Variants in DMXL1 observed in about 807,000 individuals in gnomAD.
DMXL1 encodes the protein Dmx like 1.
Under a neutral mutation model 319.2 loss-of-function variants are expected in DMXL1, and 99 were observed. That is an observed-to-expected ratio of 0.31 (90% CI 0.26 to 0.37). DMXL1 has a LOEUF of 0.37. Ranked by LOEUF, DMXL1 falls within the 10% of genes least tolerant of loss-of-function variation. The pLI is 1.00. For missense variants in DMXL1, 3,745 were observed against 3,595.6 expected (o/e 1.04, Z -1.06); for synonymous variants, 1,385 against 1,235.2 (o/e 1.12, Z -2.54).
intron 38 of DMXL1, among the ~76,000 whole-genome samples, chr5:119,227,856 T>C (rs1459299850): frequency 6.6e-6 from 1 of 152,178 alleles, no homozygotes; most frequent in Admixed American, 6.5e-5. Flanking sequence ...TATATTGCCA[T>C]GAAAATAAGA....
chr5:119,144,297 T>C (rs1185379284), intron 14 of DMXL1, among the ~76,000 whole-genome samples: 1 of 151,804 alleles, frequency 6.6e-6, no homozygotes, highest in African/African-American at 2.4e-5. Flanking sequence ...ATAAAAAACA[T>C]TGGTGGATAT....
chr5:119,081,432 C>A, intron 1 of DMXL1: 1 of 319,232 alleles, frequency 3.1e-6, no homozygotes, highest in Non-Finnish European at 4.5e-6. Flanking sequence ...AAAATCTTTA[C>A]CTGAGTCAGA....
chr5:119,241,160 T>A (rs79966641), intron 42 of DMXL1, among the ~76,000 whole-genome samples: 19,808 of 152,194 alleles, frequency 0.13, 1,431 homozygotes, highest in Middle Eastern at 0.22. Flanking sequence ...GAAAATGTTA[T>A]GAAAATCATG....
At chr5:119,179,714 G>A (rs1776459976) in intron 28 of DMXL1, among the ~76,000 whole-genome samples, 1 of 152,056 alleles carries the variant, frequency 6.6e-6, no homozygotes, top group East Asian at 1.9e-4. Context: ...TGACTATATA[G>A]CAAAAAATCA....
chr5:119,171,235 A>C lies in DMXL1; in HGVS notation c.6444A>C (p.Ala2148=). 1 of 1,609,350 alleles carries C rather than the reference A, an allele frequency of 6.2e-7. No homozygotes were observed. Among genetic ancestry groups the C allele is most frequent in the African/African-American group, 1.3e-5 (1 of 74,864 alleles). The part of the protein sequence containing the change: ...ILHGSHGGGL[A]SVRMELILLL... The stretch of plus-strand genomic sequence containing the variant: ...ATGGATCCCATGGTGGGGGTCTTGC[A>C]TCTGTAAGAATGGAATTGATTTTGC... The change falls in exon 24 of 44, where the codon GCA becomes GCC. Residue 2148 remains alanine, a synonymous_variant. Transcript: ENST00000539542.
chr5:119,086,934 T>A (rs545090473), intron 1 of DMXL1, among the ~76,000 whole-genome samples: 2 of 152,236 alleles, frequency 1.3e-5, no homozygotes, highest in Admixed American at 6.5e-5. Context: ...TCTTGGTAGG[T>A]TGTATGTGTC....
Position 119,167,703 on chromosome 5 carries a change from G to C in DMXL1, c.5237G>C (p.Arg1746Pro). The C allele has an allele frequency of 6.2e-7, 1 of 1,613,480 alleles. No homozygotes were observed. Among genetic ancestry groups the C allele is most frequent in the Non-Finnish European group, 8.5e-7 (1 of 1,179,686 alleles). The change falls in exon 23 of 44, where the codon CGT becomes CCT. Residue 1746 changes from arginine (R) to proline (P), a missense_variant. By Grantham distance (103) the Arg-to-Pro change is moderately radical (BLOSUM62 -2). This residue lies in a region of DMXL1 where 1,382 missense variants were observed against 1,269.5 expected (regional missense o/e 1.09). Transcript: ENST00000539542. ...TCTGCAGCATATAAATCTATTTTAC[G>C]TAAAAAAGTTTTGGGAATCGATTCT... ...DTSAAYKSIL[R>P]KKVLGIDSPV...
intron 22 of DMXL1, 99 bp from the exon 23 acceptor site, chr5:119,167,504 A>T (rs1773672153): frequency 1.0e-6 from 1 of 982,948 alleles, no homozygotes; most frequent in Admixed American, 2.9e-5. Context: ...TTGGATATTT[A>T]TAAGCCTTTA....
chr5:119,075,813 C>T (rs975437220), intron 1 of DMXL1, among the ~76,000 whole-genome samples: 1 of 151,990 alleles, frequency 6.6e-6, no homozygotes, highest in Admixed American at 6.6e-5. Flanking sequence ...GATCCTCCCG[C>T]CTTGGCCTCC....
intron 41 of DMXL1, 46 bp downstream of exon 41, chr5:119,239,126 ACT>A (rs1788288789): frequency 1.3e-6 from 2 of 1,590,454 alleles, no homozygotes; most frequent in Admixed American, 1.7e-5. Flanking sequence ...GTATAGCTGA[ACT>A]TTTTTTTATT....
At position 119,217,015 on chromosome 5, in the gene DMXL1, T is replaced by A. The variant is rs750833388; in HGVS notation, c.8013+28T>A. 2.7e-5 allele frequency: 34 copies of A among 1,257,104 alleles called. 1 individual carries two copies. The South Asian group carries it at 4.8e-4, about 18-fold the overall frequency. The allele number at this position is 1,257,104 out of a possible 1,614,324, so 77.9% of individuals were successfully genotyped here. On this transcript the variant is annotated intron_variant, in intron 35 of 43. Transcript: ENST00000539542. Reference sequence around the variant, plus strand: ...AAGTACATAGACATTCTTCTTTTGTTTATTAAGTATTTATAGTTGGATAAT... The same window carrying A: ...AAGTACATAGACATTCTTCTTTTGTATATTAAGTATTTATAGTTGGATAAT...
intron 19 of DMXL1, among the ~76,000 whole-genome samples, chr5:119,161,580 C>T (rs1772280789): frequency 6.6e-6 from 1 of 152,246 alleles, no homozygotes; most frequent in South Asian, 2.1e-4. Flanking sequence ...GGCCTGTCTT[C>T]TAAGGAAATA....
At position 119,071,746 on chromosome 5, in the gene DMXL1, C is replaced by G. The variant is rs1183132060; in HGVS notation, c.87+90C>G. 7 of 1,257,008 alleles carry G rather than the reference C, an allele frequency of 5.6e-6. No homozygotes were observed. The Admixed American group carries it at 1.7e-4, about 30-fold the overall frequency. The allele number at this position is 1,257,008 out of a possible 1,614,324, so 77.9% of individuals were successfully genotyped here. ...TGGCCCAGAACGACGGGCAGAGGCG[C>G]GAGGTCTTGTCTCCCCAGGGGGGTC... On this transcript the variant is annotated intron_variant, in intron 1 of 43. Transcript: ENST00000539542.
intron 32 of DMXL1, among the ~76,000 whole-genome samples, chr5:119,200,579 T>C (rs914675361): frequency 2.0e-5 from 3 of 152,218 alleles, no homozygotes; most frequent in Admixed American, 6.5e-5. Context: ...ATATTAATTT[T>C]AAAATAGGTT....
chr5:119,119,775 G>A (rs1485230863), intron 8 of DMXL1, among the ~76,000 whole-genome samples: 1 of 151,178 alleles, frequency 6.6e-6, no homozygotes, highest in East Asian at 1.9e-4. Flanking sequence ...CCTCCCAAAG[G>A]ACTGGGATTA....
intron 1 of DMXL1, among the ~76,000 whole-genome samples, chr5:119,079,062 T>G (rs773473216): frequency 2.0e-5 from 3 of 152,130 alleles, no homozygotes; most frequent in Non-Finnish European, 2.9e-5. Flanking sequence ...GTAAAGAAAT[T>G]CCTGTGGAAA....
intron 2 of DMXL1, 120 bp downstream of exon 2, chr5:119,098,224 C>A: frequency 8.2e-7 from 1 of 1,212,778 alleles, no homozygotes; most frequent in Non-Finnish European, 1.1e-6. Flanking sequence ...GATAGTGTAG[C>A]TAGAAGAATT....
Position 119,247,102 on chromosome 5 carries a change from G to T in DMXL1, c.9030G>T (p.Gly3010=), listed in dbSNP as rs975213610. ...IGTGVMQIET[G]PANHIFSCGA... is the part of the protein sequence containing the mutation. Reference sequence around the variant, plus strand: ...CTGGAGTGATGCAAATTGAGACAGGGCCTGCAAATCACATTTTCTCCTGTG... The same window carrying T: ...CTGGAGTGATGCAAATTGAGACAGGTCCTGCAAATCACATTTTCTCCTGTG... The change falls in exon 44 of 44, where the codon GGG becomes GGT. Residue 3010 remains glycine (G), a synonymous_variant. Transcript: ENST00000539542. 14 of 1,613,954 alleles carry T rather than the reference G, an allele frequency of 8.7e-6. No individual in the cohort carries two copies. The highest frequency in any genetic ancestry group is 2.2e-5 in the East Asian group (1 of 44,896).
At chr5:119,129,687 T>C (rs1224408558) in intron 10 of DMXL1, among the ~76,000 whole-genome samples, 1 of 152,204 alleles carries the variant, frequency 6.6e-6, no homozygotes, top group East Asian at 1.9e-4. Context: ...ATCTGTAGAC[T>C]AGCAGCATTG....
Sources: gnomAD v4.1 joint callset for allele counts (sites outside exome capture counted in the v4.1 genomes callset) on GRCh38, gnomAD v4.1.1 for gene constraint, gnomAD v4.1.1 regional missense constraint, MANE v1.5 for transcripts, NCBI Gene and HGNC (gene_info 2026-07-23, HGNC 2026-07-21) for gene names.